The following KLHL13 variants were observed in gnomAD, a reference collection of about 807,000 sequenced individuals.
KLHL13 encodes the protein kelch-like protein 13.
KLHL13 carries 10 observed loss-of-function variants against 37.1 expected under a neutral mutation model. That is an observed-to-expected ratio of 0.27 (90% CI 0.17 to 0.46). KLHL13 has a LOEUF of 0.46. Ranked by LOEUF, KLHL13 falls within the 20% of genes least tolerant of loss-of-function variation. The pLI is 1.00. For missense variants in KLHL13, 360 were observed against 509.3 expected (o/e 0.71, Z 2.82); for synonymous variants, 163 against 181.2 (o/e 0.90, Z 0.81).
chrX:118,029,615 TA>T (rs1186926706), intron 1 of KLHL13, among the ~76,000 whole-genome samples: 1 of 112,456 alleles, frequency 8.9e-6, no homozygotes, highest in African/African-American at 3.2e-5. Context: ...CTCTTGTTAA[TA>T]AAATCAATTT....
At chrX:118,053,226 A>G (rs2054636284) in intron 1 of KLHL13, among the ~76,000 whole-genome samples, 1 of 112,077 alleles carries the variant, frequency 8.9e-6, no homozygotes, top group Non-Finnish European at 1.9e-5. Flanking sequence ...AATAGCAAAG[A>G]CTTGGAACCA....
Position 118,026,961 on chromosome X carries a change from AC to A in KLHL13, c.-55-81387del, listed in dbSNP as rs1214588841. Among the ~76,000 whole-genome samples the A allele has an allele frequency of 2.0e-3, 219 of 111,989 alleles. 1 individual carries two copies. The highest frequency in any genetic ancestry group is 3.3e-3 in the Non-Finnish European group (174 of 53,176). On this transcript the variant is annotated intron_variant, in intron 1 of 6. Transcript: ENST00000371882. The stretch of plus-strand genomic sequence containing the variant: ...GTAACATGAAATGAAACATGGCCTT[AC>A]CAGTATGATTCTGAAGACAAGCACA...
intron 1 of KLHL13, among the ~76,000 whole-genome samples, chrX:118,030,351 T>C (rs1307870858): frequency 8.9e-6 from 1 of 112,194 alleles, no homozygotes; most frequent in Non-Finnish European, 1.9e-5. Flanking sequence ...AATTTTTTAA[T>C]TATGTTTAGA....
At chrX:118,105,141 G>A (rs993682127) in intron 1 of KLHL13, among the ~76,000 whole-genome samples, 25 of 112,217 alleles carry the variant, frequency 2.2e-4, no homozygotes, top group Non-Finnish European at 3.9e-4. Flanking sequence ...TCAGAAATAC[G>A]TTCCTTGCTT....
At chrX:118,032,991 G>A (rs920362710) in intron 1 of KLHL13, among the ~76,000 whole-genome samples, 16 of 111,469 alleles carry the variant, frequency 1.4e-4, no homozygotes, top group African/African-American at 5.2e-4. Flanking sequence ...AAGGGTATCA[G>A]CGACGGAAGA....
chrX:118,053,149 C>G (rs1161122253), intron 1 of KLHL13, among the ~76,000 whole-genome samples: 1 of 111,671 alleles, frequency 9.0e-6, no homozygotes, highest in Non-Finnish European at 1.9e-5. Flanking sequence ...GGTATATACC[C>G]AAAGGATTAT....
chrX:117,985,376 C>T, intron 1 of KLHL13: 2 of 1,021,125 alleles, frequency 2.0e-6, no homozygotes, highest in Non-Finnish European at 2.5e-6. Context: ...CATAGTAGCG[C>T]ACCCCAGTGC....
At chrX:117,978,677 CTT>C (rs889572619), upstream of KLHL13, among the ~76,000 whole-genome samples, 1 of 110,913 alleles carries the variant, frequency 9.0e-6, no homozygotes, top group African/African-American at 3.3e-5. Flanking sequence ...TTATGACTAA[CTT>C]TACTCCTTCA....
intron 5 of KLHL13, among the ~76,000 whole-genome samples, 198 bp from the exon 7 acceptor site, chrX:117,902,144 A>C (rs1003874517): frequency 1.8e-5 from 2 of 111,195 alleles, no homozygotes; most frequent in South Asian, 7.7e-4. Flanking sequence ...CCATTAGTAC[A>C]TGTTACATTA....
chrX:118,083,615 CA>C (rs2055021563), intron 1 of KLHL13, among the ~76,000 whole-genome samples: 1 of 110,988 alleles, frequency 9.0e-6, no homozygotes, highest in Non-Finnish European at 1.9e-5. Context: ...GGTTGCTCAA[CA>C]AAAAGTTACA....
In KLHL13 at chrX:118,066,911, C is replaced by T. The variant is rs141647191; in HGVS notation, c.-56+49597G>A. Reference sequence around the variant, plus strand: ...ATCATTAGTCATTAAGGTACGTGCCCATGAACACAATGAGACAATTCTTTA... The same window carrying T: ...ATCATTAGTCATTAAGGTACGTGCCTATGAACACAATGAGACAATTCTTTA... On this transcript the variant is annotated intron_variant, in intron 1 of 6. Transcript: ENST00000371882. 7.8e-3 allele frequency among the ~76,000 whole-genome samples: 867 copies of T among 111,589 alleles called. 7 individuals are homozygous for T. Among genetic ancestry groups the T allele is most frequent in the African/African-American group, 0.027 (834 of 30,763 alleles).
intron 1 of KLHL13, among the ~76,000 whole-genome samples, chrX:118,110,552 T>C (rs1051003815): frequency 9.1e-6 from 1 of 109,386 alleles, no homozygotes; most frequent in South Asian, 4.0e-4. Context: ...CTCATTTTTG[T>C]ATTTTTAGTA....
chrX:117,948,955 CAAAAGG>C (rs2147813456), intron 1 of KLHL13, among the ~76,000 whole-genome samples: 1 of 111,809 alleles, frequency 8.9e-6, no homozygotes, highest in South Asian at 3.7e-4. Context: ...CATTTAAAGA[CAAAAGG>C]AAAAAAAGCC....
At chrX:117,980,321 T>G (rs1032343194) in intron 1 of KLHL13, among the ~76,000 whole-genome samples, 3 of 112,114 alleles carry the variant, frequency 2.7e-5, no homozygotes, top group Non-Finnish European at 5.6e-5. Flanking sequence ...TCTATATTAT[T>G]TCAGAAATAC....
chrX:118,099,894 AGAAG>A (rs376288542), intron 1 of KLHL13, among the ~76,000 whole-genome samples: 4 of 96,163 alleles, frequency 4.2e-5, no homozygotes, highest in African/African-American at 1.0e-4. Context: ...AAGGAAGGAA[AGAAG>A]GAAGGAAAGA....
At chrX:117,961,983 T>C (rs957530817) in intron 1 of KLHL13, among the ~76,000 whole-genome samples, 1 of 109,029 alleles carries the variant, frequency 9.2e-6, no homozygotes, top group Non-Finnish European at 1.9e-5. Context: ...GACGGGAGGA[T>C]AGCTTGAGCC....
intron 2 of KLHL13, 56 bp downstream of exon 3, chrX:117,945,377 TC>T: frequency 8.8e-7 from 1 of 1,130,581 alleles, no homozygotes; most frequent in East Asian, 3.0e-5. Flanking sequence ...CATCACAAAA[TC>T]CATGGTGGGT....
chrX:117,963,332 A>G (rs1169865649), intron 1 of KLHL13, among the ~76,000 whole-genome samples: 1 of 112,017 alleles, frequency 8.9e-6, no homozygotes, highest in East Asian at 2.8e-4. Context: ...TTAGAGTTTG[A>G]GATCAAATTA....
intron 1 of KLHL13, among the ~76,000 whole-genome samples, chrX:118,023,482 T>C (rs891923747): frequency 8.9e-6 from 1 of 112,167 alleles, no homozygotes; most frequent in African/African-American, 3.2e-5. Flanking sequence ...ATTACATCTA[T>C]GCATTCTATG....
Sources: allele counts gnomAD v4.1 joint callset (sites outside exome capture counted in the v4.1 genomes callset), GRCh38; gene constraint gnomAD v4.1.1; transcripts MANE v1.5; gene names NCBI Gene and HGNC (gene_info 2026-07-23, HGNC 2026-07-21).